The following STPG2 variants were observed in gnomAD, a reference collection of about 807,000 sequenced individuals.
The protein encoded by STPG2 is sperm tail PG-rich repeat containing 2, also known as sperm-tail PG-rich repeat-containing protein 2.
Under a neutral mutation model 54.2 loss-of-function variants are expected in STPG2, and 56 were observed. That is an observed-to-expected ratio of 1.03 (90% CI 0.83 to 1.29). The LOEUF is 1.29. STPG2 is among the 50% of genes most tolerant of loss of function. STPG2 has a pLI of 0.00. For missense variants in STPG2, 596 were observed against 544.9 expected, an observed-to-expected ratio of 1.09 and a Z score of -0.93; for synonymous variants, 200 against 181.8, an observed-to-expected ratio of 1.10 and a Z score of -0.81.
intron 5 of STPG2, among the ~76,000 whole-genome samples, chr4:97,985,252 G>A (rs972112597): frequency 1.3e-5 from 2 of 152,010 alleles, no homozygotes; most frequent in African/African-American, 2.4e-5. Flanking sequence ...ATTACTTGAG[G>A]AATTAAAATA....
At chr4:97,945,117 A>G (rs186128692) in intron 7 of STPG2, among the ~76,000 whole-genome samples, 1 of 152,220 alleles carries the variant, frequency 6.6e-6, no homozygotes, top group Non-Finnish European at 1.5e-5. Flanking sequence ...ATGGATGTAT[A>G]GTACAGTGGT....
chr4:97,752,582 T>C (rs1349829030), intron 9 of STPG2, among the ~76,000 whole-genome samples: 1 of 151,836 alleles, frequency 6.6e-6, no homozygotes, highest in African/African-American at 2.4e-5. Context: ...ATGTCCAAAC[T>C]CTTCACCCTA....
intron 8 of STPG2, among the ~76,000 whole-genome samples, chr4:97,903,806 A>C (rs1449429908): frequency 6.6e-6 from 1 of 152,240 alleles, no homozygotes. Context: ...GGGGTCAGGG[A>C]GTTCCCTTTC....
At chr4:97,879,413 C>T (rs1730293138) in intron 8 of STPG2, among the ~76,000 whole-genome samples, 1 of 152,176 alleles carries the variant, frequency 6.6e-6, no homozygotes, top group Non-Finnish European at 1.5e-5. Flanking sequence ...ACTCATAGTT[C>T]CACATGGCTG....
chr4:97,944,760 C>A (rs1286708423), intron 7 of STPG2, among the ~76,000 whole-genome samples: 1 of 152,016 alleles, frequency 6.6e-6, no homozygotes, highest in Non-Finnish European at 1.5e-5. Flanking sequence ...TTTCTTGGCC[C>A]ATTTTTTGGT....
chr4:97,703,712 GTATA>G lies in STPG2; in HGVS notation c.1320+8983_1320+8986del, dbSNP rs1162778963. 3.7e-5 allele frequency among the ~76,000 whole-genome samples: 5 copies of G among 134,050 alleles called. No individual in the cohort carries two copies. In the Admixed American group the frequency reaches 4.4e-4, roughly 12 times the overall value. 87.9% of individuals were successfully genotyped at this position (134,050 alleles called of 152,430 possible). A position where few individuals can be genotyped will look rare whatever the true frequency, so the allele number is the denominator to read the frequency against. ...TATTTAGTATATATAGTATATTATA[GTATA>G]TATATTTAGTATATATAATATATTA... On this transcript the variant is annotated intron_variant, in intron 10 of 10. Transcript: ENST00000295268.
chr4:97,973,843 T>C (rs950771491), intron 6 of STPG2, among the ~76,000 whole-genome samples: 12 of 152,294 alleles, frequency 7.9e-5, no homozygotes, highest in African/African-American at 2.9e-4. Context: ...GGGTGGGGCC[T>C]TTATGGAGAA....
At chr4:98,013,760 G>T (rs1470617906) in intron 5 of STPG2, among the ~76,000 whole-genome samples, 1 of 141,904 alleles carries the variant, frequency 7.0e-6, no homozygotes, top group African/African-American at 2.7e-5. Flanking sequence ...TTGCACAGAG[G>T]TATTTATAGT....
chr4:98,005,585 T>G (rs1004372587), intron 5 of STPG2, among the ~76,000 whole-genome samples: 9 of 152,212 alleles, frequency 5.9e-5, no homozygotes, highest in African/African-American at 2.2e-4. Flanking sequence ...TTGCTGAGAC[T>G]TTTGCTGAAT....
chr4:97,722,691 G>T (rs1724485782), intron 9 of STPG2, among the ~76,000 whole-genome samples: 1 of 151,548 alleles, frequency 6.6e-6, no homozygotes, highest in Admixed American at 6.6e-5. Flanking sequence ...ATAATTAATA[G>T]ACCTATAAAA....
At chr4:97,687,182 C>A (rs999317396) in intron 10 of STPG2, among the ~76,000 whole-genome samples, 1 of 151,954 alleles carries the variant, frequency 6.6e-6, no homozygotes, top group Admixed American at 6.6e-5. Flanking sequence ...GATCTCCCGA[C>A]CTCGTGATCC....
At chr4:97,721,198 G>A (rs11725607) in intron 9 of STPG2, among the ~76,000 whole-genome samples, 67,501 of 151,822 alleles carry the variant, frequency 0.44, 16,671 homozygotes, top group South Asian at 0.62. Context: ...AAGTAAAAAC[G>A]AATTGCTCAA....
chr4:97,941,097 C>T (rs1164764860), intron 8 of STPG2, among the ~76,000 whole-genome samples: 1 of 151,840 alleles, frequency 6.6e-6, no homozygotes, highest in African/African-American at 2.4e-5. Flanking sequence ...AAATCATTTC[C>T]CCTGAGAAAT....
At chr4:98,052,105 GA>G (rs1737343616) in intron 5 of STPG2, among the ~76,000 whole-genome samples, 1 of 143,940 alleles carries the variant, frequency 6.9e-6, no homozygotes, top group East Asian at 2.0e-4. Flanking sequence ...AAAAAAAAAA[GA>G]AACAAATTCA....
At chr4:97,523,081 C>T (rs1232193085) in intron 4 of STPG2, among the ~76,000 whole-genome samples, 1 of 151,934 alleles carries the variant, frequency 6.6e-6, no homozygotes, top group Admixed American at 6.6e-5. Context: ...TTTAAAGTTA[C>T]ACCTTTAATA....
At chr4:98,026,028 A>G (rs1180041489) in intron 5 of STPG2, 1 of 1,044,152 alleles carries the variant, frequency 9.6e-7, no homozygotes, top group African/African-American at 1.6e-5. Context: ...TAAGATGAAG[A>G]TAATTACAAG....
At chr4:98,026,182 A>G in intron 5 of STPG2, 1 of 1,273,300 alleles carries the variant, frequency 7.9e-7, no homozygotes, top group Non-Finnish European at 1.1e-6. Flanking sequence ...ATCGTCCCAA[A>G]ATGTCCCTTG....
intron 8 of STPG2, among the ~76,000 whole-genome samples, chr4:97,922,162 T>A (rs904466074): frequency 6.6e-6 from 1 of 152,196 alleles, no homozygotes; most frequent in Non-Finnish European, 1.5e-5. Flanking sequence ...TCTTAAATGT[T>A]CTAACCACAA....
intron 4 of STPG2, among the ~76,000 whole-genome samples, chr4:97,454,284 C>T (rs182810131): frequency 0.016 from 2,463 of 151,276 alleles, 63 homozygotes; most frequent in African/African-American, 0.057. Flanking sequence ...GAGGCCGAGG[C>T]GGGTGGATCA....
Sources: allele counts gnomAD v4.1 joint callset (sites outside exome capture counted in the v4.1 genomes callset), GRCh38; gene constraint gnomAD v4.1.1; transcripts MANE v1.5; gene names NCBI Gene and HGNC (gene_info 2026-07-23, HGNC 2026-07-21).